CDYL: variants seen among roughly 807,000 people sequenced by gnomAD.
The protein encoded by CDYL is chromodomain Y-like protein.
Under a neutral mutation model 47.3 loss-of-function variants are expected in CDYL, and 8 were observed. That is an observed-to-expected ratio of 0.17 (90% CI 0.10 to 0.31). The LOEUF is 0.31. Among genes scored for constraint, CDYL ranks in the 10% least tolerant of loss-of-function variants. CDYL has a pLI of 1.00. For synonymous variants in CDYL, 266 were observed against 265.0 expected, an observed-to-expected ratio of 1.00 and a Z score of -0.04; for missense variants, 471 against 701.4, an observed-to-expected ratio of 0.67 and a Z score of 3.71.
At chr6:4,815,408 C>T (rs1252083561) in intron 1 of CDYL, among the ~76,000 whole-genome samples, 1 of 152,096 alleles carries the variant, frequency 6.6e-6, no homozygotes, top group African/African-American at 2.4e-5. Flanking sequence ...AGTTTTATTC[C>T]TTAGTGTAGA....
At chr6:4,745,309 A>G (rs1271341854) in intron 3 of CDYL, among the ~76,000 whole-genome samples, 1 of 152,126 alleles carries the variant, frequency 6.6e-6, no homozygotes, top group Non-Finnish European at 1.5e-5. Flanking sequence ...CATGTCATGG[A>G]CTCTATGAAC....
At chr6:4,787,592 CATT>C (rs1014761405) in intron 1 of CDYL, among the ~76,000 whole-genome samples, 6 of 152,034 alleles carry the variant, frequency 3.9e-5, no homozygotes, top group African/African-American at 1.2e-4. Flanking sequence ...AGACCAGACA[CATT>C]CAGCTTGCCC....
intron 1 of CDYL, among the ~76,000 whole-genome samples, chr6:4,869,285 G>A (rs756929940): frequency 6.6e-6 from 1 of 151,822 alleles, no homozygotes; most frequent in Non-Finnish European, 1.5e-5. Context: ...TAGTAGAGAT[G>A]GGGTTTCACT....
At chr6:4,746,129 G>C (rs762638516) in intron 3 of CDYL, among the ~76,000 whole-genome samples, 1 of 151,958 alleles carries the variant, frequency 6.6e-6, no homozygotes, top group Admixed American at 6.6e-5. Flanking sequence ...ACTTTGGGAG[G>C]CTGAGGCAGG....
At chr6:4,811,247 A>G (rs1373094883) in intron 1 of CDYL, among the ~76,000 whole-genome samples, 1 of 152,222 alleles carries the variant, frequency 6.6e-6, no homozygotes, top group African/African-American at 2.4e-5. Context: ...AACTTCCTGA[A>G]CTATGTTGCA....
chr6:4,744,046 G>A (rs572999844), intron 3 of CDYL, among the ~76,000 whole-genome samples: 4 of 152,154 alleles, frequency 2.6e-5, no homozygotes, highest in South Asian at 2.1e-4. Flanking sequence ...TGATAATGTC[G>A]ACTAATTCCT....
chr6:4,880,251 C>G (rs1761729296), intron 1 of CDYL, among the ~76,000 whole-genome samples: 2 of 152,110 alleles, frequency 1.3e-5, no homozygotes, highest in African/African-American at 4.8e-5. Flanking sequence ...TTGCCTTTTA[C>G]AATATGTTGT....
intron 1 of CDYL, among the ~76,000 whole-genome samples, chr6:4,830,467 T>C (rs1453284973): frequency 1.3e-5 from 2 of 152,232 alleles, no homozygotes; most frequent in Non-Finnish European, 2.9e-5. Flanking sequence ...CCACATTTAC[T>C]GGCAGGCACT....
At chr6:4,720,016 AATT>A (rs1361254634) in intron 2 of CDYL, among the ~76,000 whole-genome samples, 3 of 152,244 alleles carry the variant, frequency 2.0e-5, no homozygotes, top group Non-Finnish European at 4.4e-5. Flanking sequence ...GTGACCCAAT[AATT>A]ATTAAGTCCA....
chr6:4,752,899 T>G (rs1226034713), intron 3 of CDYL, among the ~76,000 whole-genome samples: 1 of 150,428 alleles, frequency 6.6e-6, no homozygotes, highest in African/African-American at 2.5e-5. Flanking sequence ...TAGGTAGGTA[T>G]GTAGGTAGGT....
At chr6:4,715,514 G>C (rs915559334) in intron 1 of CDYL, among the ~76,000 whole-genome samples, 2 of 152,208 alleles carry the variant, frequency 1.3e-5, no homozygotes, top group African/African-American at 4.8e-5. Flanking sequence ...GTGAAGAAGA[G>C]CAAGTTTGAC....
At chr6:4,876,210 T>C (rs910863900) in intron 1 of CDYL, among the ~76,000 whole-genome samples, 1 of 152,224 alleles carries the variant, frequency 6.6e-6, no homozygotes, top group Non-Finnish European at 1.5e-5. Context: ...CAAAGTATTT[T>C]TTGATAATTT....
chr6:4,718,212 TTTA>T (rs1203193467), intron 2 of CDYL, among the ~76,000 whole-genome samples: 1 of 152,060 alleles, frequency 6.6e-6, no homozygotes, highest in Non-Finnish European at 1.5e-5. Flanking sequence ...CAGGAAATAA[TTTA>T]TTATTTCATT....
At chr6:4,895,743 A>C (rs9405783) in intron 2 of CDYL, among the ~76,000 whole-genome samples, 96,029 of 151,966 alleles carry the variant, frequency 0.63, 33,340 homozygotes, top group East Asian at 0.84. Flanking sequence ...CGCCAGATCC[A>C]CATTGCGCTT....
At chr6:4,898,180 C>T (rs542562555) in intron 2 of CDYL, among the ~76,000 whole-genome samples, 1 of 151,930 alleles carries the variant, frequency 6.6e-6, no homozygotes, top group South Asian at 2.1e-4. Context: ...TATGGTTGCA[C>T]CACTACACTC....
At chr6:4,945,490 C>T (rs1247240349) in intron 5 of CDYL, among the ~76,000 whole-genome samples, 1 of 152,166 alleles carries the variant, frequency 6.6e-6, no homozygotes, top group Admixed American at 6.5e-5. Context: ...CTGGCTTCAG[C>T]AGCCGCCCAA....
intron 2 of CDYL, among the ~76,000 whole-genome samples, chr6:4,724,246 A>C (rs1161222687): frequency 1.3e-5 from 2 of 151,534 alleles, no homozygotes; most frequent in Non-Finnish European, 2.9e-5. Flanking sequence ...ACAGGGTTTC[A>C]TTATATGTTG....
At chr6:4,831,073 T>C (rs1451284395) in intron 1 of CDYL, among the ~76,000 whole-genome samples, 2 of 152,162 alleles carry the variant, frequency 1.3e-5, no homozygotes, top group Non-Finnish European at 2.9e-5. Flanking sequence ...TACTTGTGCA[T>C]GTGTCTTTAT....
intron 3 of CDYL, among the ~76,000 whole-genome samples, chr6:4,749,742 G>T (rs1757958636): frequency 6.6e-6 from 1 of 152,166 alleles, no homozygotes; most frequent in Non-Finnish European, 1.5e-5. Context: ...AAGCAGAAAT[G>T]ATTAGCAATA....
Sources: gnomAD v4.1 joint callset for allele counts (sites outside exome capture counted in the v4.1 genomes callset) on GRCh38, gnomAD v4.1.1 for gene constraint, MANE v1.5 for transcripts, NCBI Gene and HGNC (gene_info 2026-07-23, HGNC 2026-07-21) for gene names.